RFC1: variants seen among roughly 807,000 people sequenced by gnomAD.
RFC1 encodes the protein replication factor C subunit 1.
A neutral mutation model predicts 137.4 loss-of-function variants in RFC1; 37 were observed. That is an observed-to-expected ratio of 0.27 (90% CI 0.21 to 0.35). The LOEUF (loss-of-function observed/expected upper bound fraction) is 0.35. Among genes scored for constraint, RFC1 ranks in the 10% least tolerant of loss-of-function variants. The pLI is 1.00. For synonymous variants in RFC1, 429 were observed against 455.7 expected (o/e 0.94, Z 0.75); for missense variants, 1,205 against 1,358.5 (o/e 0.89, Z 1.78).
chr4:39,329,796 A>C (rs1740002543), intron 4 of RFC1, among the ~76,000 whole-genome samples: 1 of 152,024 alleles, frequency 6.6e-6, no homozygotes, highest in Non-Finnish European at 1.5e-5. Context: ...GCACTCCGGG[A>C]GGCCGAGATG....
chr4:39,362,793 T>C (rs1002533277), intron 1 of RFC1, among the ~76,000 whole-genome samples: 26 of 151,600 alleles, frequency 1.7e-4, no homozygotes, highest in African/African-American at 5.8e-4. Flanking sequence ...AGAAAGAAAA[T>C]AGCAACAAAA....
intron 3 of RFC1, among the ~76,000 whole-genome samples, chr4:39,345,005 T>G (rs1429230426): frequency 1.3e-5 from 2 of 152,118 alleles, no homozygotes; most frequent in Admixed American, 6.5e-5. Context: ...AGAACATAGT[T>G]GATTTATTTA....
chr4:39,303,752 C>T (rs1738493844), intron 15 of RFC1, among the ~76,000 whole-genome samples: 1 of 152,206 alleles, frequency 6.6e-6, no homozygotes, highest in Non-Finnish European at 1.5e-5. Flanking sequence ...ACATGCCCAG[C>T]CAGTTTTGTC....
At chr4:39,295,572 A>G in intron 22 of RFC1, 42 bp downstream of exon 22, 1 of 1,548,352 alleles carries the variant, frequency 6.5e-7, no homozygotes, top group East Asian at 2.3e-5. Flanking sequence ...GGCCAAATAC[A>G]CCAAATCGAT....
At chr4:39,357,876 G>A (rs2109774147) in intron 1 of RFC1, among the ~76,000 whole-genome samples, 1 of 152,016 alleles carries the variant, frequency 6.6e-6, no homozygotes. Flanking sequence ...CAAAGTGCCA[G>A]GATTACAGGC....
chr4:39,301,337 C>T (rs1262826388), intron 19 of RFC1, among the ~76,000 whole-genome samples: 2 of 152,152 alleles, frequency 1.3e-5, no homozygotes, highest in African/African-American at 4.8e-5. Flanking sequence ...GACAGTGAAA[C>T]TATTCTGTAT....
At chr4:39,296,316 T>C (rs1300728232) in intron 21 of RFC1, among the ~76,000 whole-genome samples, 12 of 141,456 alleles carry the variant, frequency 8.5e-5, no homozygotes, top group African/African-American at 2.6e-4. Flanking sequence ...GTTAGTTACA[T>C]ATGTATACAT....
chr4:39,348,261 A>C (rs185251565), intron 2 of RFC1, among the ~76,000 whole-genome samples: 7 of 151,192 alleles, frequency 4.6e-5, no homozygotes, highest in Admixed American at 2.6e-4. Context: ...ATCTCTAGGA[A>C]AAATACAAAA....
chr4:39,326,955 G>A (rs190756111), intron 5 of RFC1, among the ~76,000 whole-genome samples: 14 of 152,224 alleles, frequency 9.2e-5, no homozygotes, highest in Admixed American at 9.2e-4. Context: ...CCAGAACATT[G>A]GCAAACCAAT....
At chr4:39,314,665 C>A (rs898018549) in intron 10 of RFC1, among the ~76,000 whole-genome samples, 2 of 152,044 alleles carry the variant, frequency 1.3e-5, no homozygotes, top group Non-Finnish European at 2.9e-5. Flanking sequence ...CCTGCAGGCT[C>A]CCATAAAACC....
At chr4:39,289,052 A>C (rs536417527) in intron 24 of RFC1, among the ~76,000 whole-genome samples, 1 of 152,350 alleles carries the variant, frequency 6.6e-6, no homozygotes, top group East Asian at 1.9e-4. Flanking sequence ...TGGCAGTAAA[A>C]ACTTTTAGTT....
chr4:39,307,818 A>C (rs916244599), intron 13 of RFC1, among the ~76,000 whole-genome samples: 1 of 152,176 alleles, frequency 6.6e-6, no homozygotes, highest in East Asian at 1.9e-4. Flanking sequence ...AGAATGAAAA[A>C]AGTGATTTAA....
At chr4:39,324,689 TTGAG>T (rs2109679170) in intron 6 of RFC1, among the ~76,000 whole-genome samples, 1 of 152,262 alleles carries the variant, frequency 6.6e-6, no homozygotes, top group South Asian at 2.1e-4. Context: ...GTAACAATGG[TTGAG>T]TGAGACATAA....
intron 14 of RFC1, among the ~76,000 whole-genome samples, chr4:39,305,930 T>C (rs187407148): frequency 2.6e-5 from 4 of 152,284 alleles, no homozygotes; most frequent in East Asian, 1.9e-4. Flanking sequence ...TGCAGATGCA[T>C]ACAACAAAAA....
chr4:39,366,081 T>C (rs1182321279), intron 1 of RFC1, among the ~76,000 whole-genome samples, 158 bp downstream of exon 1: 1 of 152,098 alleles, frequency 6.6e-6, no homozygotes, highest in African/African-American at 2.4e-5. Flanking sequence ...AAGTTTTGCG[T>C]CCAGTGCCCG....
Position 39,291,114 on chromosome 4 carries a change from T to C in RFC1, c.3168+525A>G, listed in dbSNP as rs1175220798. On this transcript the variant is annotated intron_variant, in intron 23 of 24. Coordinates refer to ENST00000349703, the MANE Select transcript of RFC1 (RefSeq NM_002913.5). ...ATTACACAGGTGCAAGAGTTGGGTA[T>C]TGGATGTTACATATTCATGATGTAT... is the stretch of plus-strand genomic sequence containing the variant. 3.9e-5 allele frequency among the ~76,000 whole-genome samples: 6 copies of C among 152,326 alleles called. No individual in the cohort carries two copies. In the East Asian group the frequency reaches 7.7e-4, roughly 20 times the overall value.
At chr4:39,364,080 T>A (rs1578182274) in intron 1 of RFC1, among the ~76,000 whole-genome samples, 5 of 122,926 alleles carry the variant, frequency 4.1e-5, no homozygotes, top group South Asian at 2.6e-4. Context: ...ACCTTGCCTT[T>A]AAAAAAAAAA....
At chr4:39,302,979 C>T (rs766625644) in intron 16 of RFC1, 81 bp downstream of exon 16, 6 of 1,453,782 alleles carry the variant, frequency 4.1e-6, no homozygotes, top group Non-Finnish European at 5.8e-6. Context: ...GCCTTAACTG[C>T]CCTAAGTATG....
intron 22 of RFC1, 191 bp from the exon 23 acceptor site, chr4:39,292,043 A>G (rs1406855664): frequency 3.6e-6 from 2 of 556,576 alleles, no homozygotes. Flanking sequence ...TAATGGGTAC[A>G]CATCAATGTG....
Sources: gnomAD v4.1 joint callset for allele counts (sites outside exome capture counted in the v4.1 genomes callset) on GRCh38, gnomAD v4.1.1 for gene constraint, MANE v1.5 for transcripts, NCBI Gene and HGNC (gene_info 2026-07-23, HGNC 2026-07-21) for gene names.